The following DSG1 variants were observed in gnomAD, a reference collection of about 807,000 sequenced individuals.
DSG1 encodes the protein desmoglein 1.
A neutral mutation model predicts 97.5 loss-of-function variants in DSG1; 39 were observed. That is an observed-to-expected ratio of 0.40 (90% CI 0.31 to 0.52). The LOEUF is 0.52. Among genes scored for constraint, DSG1 ranks in the 20% least tolerant of loss-of-function variants. The pLI, the probability that DSG1 is intolerant of heterozygous loss-of-function variation, is 0.53. For synonymous variants in DSG1, 475 were observed against 443.4 expected, an observed-to-expected ratio of 1.07 and a Z score of -0.90; for missense variants, 1,311 against 1,295.4, an observed-to-expected ratio of 1.01 and a Z score of -0.18.
At chr18:31,332,082 T>A (rs2071725059) in intron 6 of DSG1, among the ~76,000 whole-genome samples, 1 of 152,096 alleles carries the variant, frequency 6.6e-6, no homozygotes, top group South Asian at 2.1e-4. Flanking sequence ...ATTAATTGAT[T>A]AAAATTTACT....
rs2071811483 is a variant in DSG1, at chr18:31,344,111, T to G, written c.1891+116T>G. ...TTCTTCAAAAGTGTTTATATCATTCTTTTTTAAATGACTAACTTGTAAATT... is the reference window on the plus strand; with the variant it reads ...TTCTTCAAAAGTGTTTATATCATTCGTTTTTAAATGACTAACTTGTAAATT... On this transcript the variant is annotated intron_variant, in intron 13 of 14. Coordinates refer to ENST00000257192, the MANE Select transcript of DSG1 (RefSeq NM_001942.4). 5 of 769,968 alleles carry G rather than the reference T, an allele frequency of 6.5e-6. No individual in the cohort carries two copies. In the Middle Eastern group the frequency reaches 1.1e-3, roughly 169 times the overall value. 47.7% of individuals were successfully genotyped at this position (769,968 alleles called of 1,614,324 possible). A position where few individuals can be genotyped will look rare whatever the true frequency, so the allele number is the denominator to read the frequency against.
At position 31,319,984 on chromosome 18, in the gene DSG1, C is replaced by T. The variant is rs117529017; in HGVS notation, c.48+1636C>T. Among the ~76,000 whole-genome samples, 170 of 152,000 alleles carry T rather than the reference C, an allele frequency of 1.1e-3. 1 individual carries two copies. The highest frequency in any genetic ancestry group is 2.0e-3 in the Non-Finnish European group (139 of 67,962). ...TATATTGAAATTAATCACAAGTCTC[C>T]CACATGCCTTATGAAAATTTTTTCT... On this transcript the variant is annotated intron_variant, in intron 1 of 14. Transcript: ENST00000257192.
chr18:31,348,214 C>T (rs1488678239), intron 14 of DSG1, among the ~76,000 whole-genome samples: 2 of 142,976 alleles, frequency 1.4e-5, no homozygotes, highest in African/African-American at 2.7e-5. Flanking sequence ...TGAGAATATG[C>T]GGTGTTTGGT....
rs199532049 is a variant in DSG1 at position 31,351,871 on chromosome 18, G to A, written c.2101-2426G>A. ...TTTGAGCCTATGTGTGTCTCTGCAC[G>A]TGAGATGGGTTTCCTGAATACAGCA... is the stretch of plus-strand genomic sequence containing the variant. On this transcript the variant is annotated intron_variant, in intron 14 of 14. Transcript: ENST00000257192. 7.9e-3 allele frequency among the ~76,000 whole-genome samples: 1,200 copies of A among 152,052 alleles called. 37 individuals carry two copies. In the South Asian group the frequency reaches 0.083, roughly 11 times the overall value.
chr18:31,325,810 T>G (rs2071682098), intron 1 of DSG1, among the ~76,000 whole-genome samples: 1 of 152,142 alleles, frequency 6.6e-6, no homozygotes, highest in South Asian at 2.1e-4. Context: ...CAAGTGAAAA[T>G]TTATGCTAAA....
At chr18:31,332,712 T>C (rs1222160183) in intron 6 of DSG1, among the ~76,000 whole-genome samples, 1 of 152,168 alleles carries the variant, frequency 6.6e-6, no homozygotes, top group Non-Finnish European at 1.5e-5. Context: ...TGATGACTTT[T>C]AGGTTTAGGA....
chr18:31,343,580 C>A lies in DSG1; in HGVS notation c.1818C>A (p.Pro606=), dbSNP rs1186422990. The A allele has an allele frequency of 6.2e-7, 1 of 1,613,938 alleles. No homozygotes were observed. Among genetic ancestry groups the A allele is most frequent in the Non-Finnish European group, 8.5e-7 (1 of 1,180,020 alleles). The part of the protein sequence containing the change: ...SWAVEGPQPE[P]RDITTVIPQI... ...CAGTAGAAGGACCACAGCCTGAACC[C>A]AGGGTAAGTGCCACATTCTAAGAAA... The change falls in exon 12 of 15, where the codon CCC becomes CCA. Residue 606 remains proline, a synonymous_variant. Coordinates refer to ENST00000257192, the MANE Select transcript of DSG1 (RefSeq NM_001942.4).
intron 14 of DSG1, among the ~76,000 whole-genome samples, chr18:31,350,947 G>GT (rs1251826667): frequency 4.7e-5 from 7 of 150,482 alleles, no homozygotes; most frequent in East Asian, 3.9e-4. Context: ...TTTTTGAAGG[G>GT]TTTTTTGTGT....
intron 14 of DSG1, among the ~76,000 whole-genome samples, chr18:31,353,694 C>T (rs1345219213): frequency 5.3e-5 from 8 of 151,732 alleles, no homozygotes; most frequent in East Asian, 1.9e-4. Context: ...TTAAGCCCGT[C>T]GGAAAAGCGC....
chr18:31,318,798 A>G (rs1276483417), intron 1 of DSG1, among the ~76,000 whole-genome samples: 1 of 152,076 alleles, frequency 6.6e-6, no homozygotes, highest in African/African-American at 2.4e-5. Context: ...GCACCACATA[A>G]TTTAAAATCG....
At chr18:31,322,055 C>T (rs759611093) in intron 1 of DSG1, among the ~76,000 whole-genome samples, 2 of 152,190 alleles carry the variant, frequency 1.3e-5, no homozygotes, top group Non-Finnish European at 2.9e-5. Context: ...TTTTTAAATG[C>T]CATTGGCTGC....
At position 31,328,335 on chromosome 18, in the gene DSG1, T is replaced by G. The variant is rs376000128; in HGVS notation, c.363T>G (p.Pro121=). 7.1e-5 allele frequency: 115 copies of G among 1,612,958 alleles called. 2 individuals are homozygous for G. The Middle Eastern group carries it at 4.0e-3, about 56-fold the overall frequency. The stretch of plus-strand genomic sequence containing the variant: ...CCATAGTTGATCGAGAGGTCACTCC[T>G]TTCTTCATTGTAAGTGGACTTCATG... ...ITSIVDREVT[P]FFIIYCRALN... Residue 121 remains proline, a synonymous_variant, in exon 4 of 15, where the codon CCT becomes CCG. Coordinates refer to ENST00000257192, the MANE Select transcript of DSG1 (RefSeq NM_001942.4).
Position 31,336,381 on chromosome 18 carries a change from C to G in DSG1, c.1033C>G (p.Leu345Val). Residue 345 changes from leucine to valine, a missense_variant, in exon 9 of 15, where the codon CTG (leucine) becomes GTG (valine). By Grantham distance (32) the Leu-to-Val change is conservative. Around this residue, in one of 3 missense-constraint regions of DSG1, gnomAD observed 1,038 missense variants for 964.6 expected, o/e 1.08. Transcript: ENST00000257192. ...KPLDYEAMQS[L>V]QLSIGVRNKA... ...CTTAGATTATGAAGCTATGCAGAGT[C>G]TGCAACTCAGTATTGGTGTCAGAAA... 1.2e-6 allele frequency: 2 copies of G among 1,613,758 alleles called. No individual in the cohort carries two copies. Among genetic ancestry groups the G allele is most frequent in the Non-Finnish European group, 1.7e-6 (2 of 1,179,782 alleles).
intron 9 of DSG1, 131 bp downstream of exon 9, chr18:31,336,744 G>T: frequency 9.9e-7 from 1 of 1,009,840 alleles, no homozygotes; most frequent in Non-Finnish European, 1.5e-6. Flanking sequence ...ATTGTAAAAA[G>T]TACTATAAAC....
At position 31,343,441 on chromosome 18, in the gene DSG1, C is replaced by T; in HGVS notation, c.1688-9C>T. 2 of 1,614,102 alleles carry T rather than the reference C, an allele frequency of 1.2e-6. No homozygotes were observed. Among genetic ancestry groups the T allele is most frequent in the Non-Finnish European group, 1.7e-6 (2 of 1,180,016 alleles). ...GCTAACTCTAGTATTACTATCCCTC[C>T]ACCACCAGTGGTCCCATTTTTGATG... On this transcript the variant is annotated splice_polypyrimidine_tract_variant and intron_variant, in intron 11 of 14. Coordinates refer to ENST00000257192, the MANE Select transcript of DSG1 (RefSeq NM_001942.4).
In DSG1 at chr18:31,354,895, C is replaced by A. The variant is rs761811223; in HGVS notation, c.2699C>A (p.Ala900Glu). The change falls in exon 15 of 15, where the codon GCA becomes GAA. Residue 900 changes from alanine (A) to glutamate (E), a missense_variant. Physicochemically the swap from Ala to Glu is moderately radical, Grantham distance 107. Transcript: ENST00000257192. Reference sequence around the variant, plus strand: ...GTTATAGTGACAGAAAGGGTAATAGCACCAAGCTCTAGTCTACCCACCTCT... The same window carrying A: ...GTTATAGTGACAGAAAGGGTAATAGAACCAAGCTCTAGTCTACCCACCTCT... ...SNVIVTERVI[A>E]PSSSLPTSLT... 6.2e-7 allele frequency: 1 copy of A among 1,614,156 alleles called. No homozygotes were observed. The highest frequency in any genetic ancestry group is 1.7e-5 in the Admixed American group (1 of 60,024).
chr18:31,325,087 T>A (rs1172450277), intron 1 of DSG1, among the ~76,000 whole-genome samples: 1 of 152,204 alleles, frequency 6.6e-6, no homozygotes, highest in East Asian at 1.9e-4. Context: ...AGTGACTTTG[T>A]ATCAGAGTTT....
At chr18:31,352,234 A>T (rs1225389971) in intron 14 of DSG1, among the ~76,000 whole-genome samples, 1 of 151,182 alleles carries the variant, frequency 6.6e-6, no homozygotes, top group East Asian at 1.9e-4. Flanking sequence ...TATGAAGCTT[A>T]GTTTGGCTGG....
chr18:31,320,301 T>G lies in DSG1; in HGVS notation c.48+1953T>G, dbSNP rs7236309. ...GCTTTTACCAAAAAATGAAAAAAAA[T>G]TTATGTAAAGTCTTTATATTCGTCT... On this transcript the variant is annotated intron_variant, in intron 1 of 14. Transcript: ENST00000257192. Among the ~76,000 whole-genome samples, 4 of 151,892 alleles carry G rather than the reference T, an allele frequency of 2.6e-5. 1 individual carries two copies. Among genetic ancestry groups the G allele is most frequent in the African/African-American group, 9.6e-5 (4 of 41,482 alleles).
Sources: allele counts gnomAD v4.1 joint callset (sites outside exome capture counted in the v4.1 genomes callset), GRCh38; gene constraint gnomAD v4.1.1; regional missense constraint gnomAD v4.1.1; transcripts MANE v1.5; gene names NCBI Gene and HGNC (gene_info 2026-07-23, HGNC 2026-07-21).